The following DLGAP2 variants were observed in gnomAD, a reference collection of about 807,000 sequenced individuals.
The protein encoded by DLGAP2 is disks large-associated protein 2.
Under a neutral mutation model 100.3 loss-of-function variants are expected in DLGAP2, and 26 were observed. The ratio of observed to expected loss-of-function variants is 0.26; its 90% confidence interval spans 0.19 to 0.36. The LOEUF (loss-of-function observed/expected upper bound fraction) is 0.36. Ranked by LOEUF, DLGAP2 falls within the 10% of genes least tolerant of loss-of-function variation. DLGAP2 has a pLI of 1.00. For missense variants in DLGAP2, 1,858 were observed against 1,453.2 expected, an observed-to-expected ratio of 1.28 and a Z score of -4.53; for synonymous variants, 886 against 630.1, an observed-to-expected ratio of 1.41 and a Z score of -6.08.
intron 4 of DLGAP2, among the ~76,000 whole-genome samples, chr8:1,528,100 C>T (rs1422545878): frequency 6.6e-6 from 1 of 152,250 alleles, no homozygotes; most frequent in African/African-American, 2.4e-5. Context: ...CACTGCACGG[C>T]AGTGACTGCT....
intron 4 of DLGAP2, among the ~76,000 whole-genome samples, chr8:1,536,092 G>A (rs544920396): frequency 2.7e-4 from 41 of 152,276 alleles, no homozygotes; most frequent in African/African-American, 8.9e-4. Context: ...CAGTCAACTC[G>A]GTGTAGCAGG....
intron 1 of DLGAP2, among the ~76,000 whole-genome samples, chr8:744,041 C>G (rs574615701): frequency 6.6e-6 from 1 of 152,200 alleles, no homozygotes; most frequent in East Asian, 1.9e-4. Flanking sequence ...ATCTAAATGC[C>G]CAGACACCTG....
chr8:1,102,385 A>T (rs980166399), intron 2 of DLGAP2, among the ~76,000 whole-genome samples: 6 of 149,018 alleles, frequency 4.0e-5, no homozygotes, highest in Non-Finnish European at 7.4e-5. Context: ...TAATTTATAG[A>T]TACATAAAAC....
intron 11 of DLGAP2, among the ~76,000 whole-genome samples, chr8:1,677,230 G>T (rs759462132): frequency 3.3e-4 from 50 of 152,090 alleles, no homozygotes; most frequent in Non-Finnish European, 7.1e-4. Context: ...ATCAGGGAGC[G>T]TTTTAGCACC....
intron 2 of DLGAP2, among the ~76,000 whole-genome samples, chr8:1,234,402 G>A (rs149176319): frequency 4.7e-4 from 71 of 152,250 alleles, no homozygotes; most frequent in African/African-American, 1.6e-3. Context: ...GCATCACCCC[G>A]ATCCTCACAT....
chr8:901,117 T>C (rs1258069859), intron 1 of DLGAP2, among the ~76,000 whole-genome samples: 1 of 152,142 alleles, frequency 6.6e-6, no homozygotes, highest in Non-Finnish European at 1.5e-5. Context: ...CCCCATATCT[T>C]TAAAAAAAAT....
intron 2 of DLGAP2, among the ~76,000 whole-genome samples, chr8:1,156,466 C>T (rs1012712475): frequency 3.3e-5 from 5 of 152,168 alleles, no homozygotes; most frequent in African/African-American, 4.8e-5. Context: ...ACGCTCACGT[C>T]TCCATCTCAC....
At chr8:1,701,001 C>A (rs955926659) in intron 14 of DLGAP2, among the ~76,000 whole-genome samples, 187 bp from the exon 15 acceptor site, 7 of 152,196 alleles carry the variant, frequency 4.6e-5, no homozygotes, top group Non-Finnish European at 8.8e-5. Flanking sequence ...CAAATCCCAT[C>A]CTGTGCAGAA....
intron 2 of DLGAP2, among the ~76,000 whole-genome samples, chr8:1,048,587 T>C (rs888403123): frequency 4.0e-5 from 6 of 151,840 alleles, no homozygotes; most frequent in Non-Finnish European, 8.8e-5. Context: ...CAAAGTACAA[T>C]GGTGAATACT....
intron 1 of DLGAP2, among the ~76,000 whole-genome samples, chr8:803,422 T>C (rs973178579): frequency 6.6e-6 from 1 of 152,134 alleles, no homozygotes; most frequent in Non-Finnish European, 1.5e-5. Flanking sequence ...TTTTTTCCAC[T>C]GTTTATTGAT....
chr8:1,537,854 G>C (rs1327530777), intron 4 of DLGAP2, among the ~76,000 whole-genome samples: 3 of 152,220 alleles, frequency 2.0e-5, no homozygotes, highest in Non-Finnish European at 2.9e-5. Flanking sequence ...CTAATATTCA[G>C]AGAAAAGAGA....
At chr8:989,614 G>C (rs1800596606) in intron 2 of DLGAP2, among the ~76,000 whole-genome samples, 1 of 152,144 alleles carries the variant, frequency 6.6e-6, no homozygotes, top group African/African-American at 2.4e-5. Flanking sequence ...TGTGTTGAAA[G>C]GTAGACATTC....
intron 3 of DLGAP2, among the ~76,000 whole-genome samples, chr8:1,475,137 TCTCA>T (rs1798897055): frequency 6.6e-6 from 1 of 152,104 alleles, no homozygotes; most frequent in Admixed American, 6.6e-5. Context: ...TACTGCACGT[TCTCA>T]CTCATAAGTG....
At chr8:1,056,545 C>G (rs1802888358) in intron 2 of DLGAP2, among the ~76,000 whole-genome samples, 1 of 152,216 alleles carries the variant, frequency 6.6e-6, no homozygotes, top group Non-Finnish European at 1.5e-5. Context: ...TTCCCCTAAG[C>G]CAGCAGGACT....
intron 6 of DLGAP2, among the ~76,000 whole-genome samples, chr8:1,608,888 T>C (rs1286718801): frequency 1.3e-5 from 2 of 151,734 alleles, no homozygotes; most frequent in Non-Finnish European, 2.9e-5. Flanking sequence ...TATGGGACTA[T>C]GTGAAAAGAC....
At chr8:1,437,813 CAAA>C (rs59165125) in intron 3 of DLGAP2, among the ~76,000 whole-genome samples, 277 of 85,222 alleles carry the variant, frequency 3.3e-3, no homozygotes, top group African/African-American at 0.01. Context: ...ACTAAAAATA[CAAA>C]AAAAAAAAAA....
intron 3 of DLGAP2, among the ~76,000 whole-genome samples, chr8:1,481,919 C>T (rs550708573): frequency 5.9e-5 from 9 of 152,214 alleles, no homozygotes; most frequent in Non-Finnish European, 1.2e-4. Flanking sequence ...CAGCCCGACC[C>T]GATTATCCTT....
intron 3 of DLGAP2, among the ~76,000 whole-genome samples, chr8:1,271,786 G>C (rs1414388935): frequency 2.0e-5 from 3 of 152,096 alleles, no homozygotes; most frequent in Non-Finnish European, 4.4e-5. Context: ...GATCCAATTA[G>C]AATGATTTCT....
At chr8:1,195,186 G>A (rs1005926344) in intron 2 of DLGAP2, among the ~76,000 whole-genome samples, 2 of 152,234 alleles carry the variant, frequency 1.3e-5, no homozygotes, top group Admixed American at 6.5e-5. Flanking sequence ...AGGGTGTCAG[G>A]AAGGTGCCCC....
Sources: gnomAD v4.1 joint callset for allele counts (sites outside exome capture counted in the v4.1 genomes callset) on GRCh38, gnomAD v4.1.1 for gene constraint, MANE v1.5 for transcripts, NCBI Gene and HGNC (gene_info 2026-07-23, HGNC 2026-07-21) for gene names.